The following FSTL4 variants were observed in gnomAD, a reference collection of about 807,000 sequenced individuals.
FSTL4 encodes follistatin-related protein 4.
A neutral mutation model predicts 78.2 loss-of-function variants in FSTL4; 28 were observed. The observed-to-expected ratio is 0.36, with a 90% CI of 0.27 to 0.49. The LOEUF is 0.49. Ranked by LOEUF, FSTL4 falls within the 20% of genes least tolerant of loss-of-function variation. The pLI is 0.98. For synonymous variants in FSTL4, 422 were observed against 440.5 expected, an observed-to-expected ratio of 0.96 and a Z score of 0.53; for missense variants, 922 against 1,084.9, an observed-to-expected ratio of 0.85 and a Z score of 2.11.
chr5:133,275,896 A>G (rs1409212757), intron 6 of FSTL4: 2 of 152,214 alleles, frequency 1.3e-5, no homozygotes, highest in African/African-American at 4.8e-5. Flanking sequence ...CCTGCCCCAG[A>G]GTCAGCCGTG....
At chr5:133,740,217 C>A in the FSTL4 span, among the ~76,000 whole-genome samples, 1 of 152,062 alleles carries the variant, frequency 6.6e-6, no homozygotes, top group South Asian at 2.1e-4. Context: ...AAGTGATACC[C>A]CCTTAGACAG....
chr5:133,431,919 A>G (rs955259303), intron 3 of FSTL4, among the ~76,000 whole-genome samples: 1 of 152,176 alleles, frequency 6.6e-6, no homozygotes. Context: ...TATTAAGTGC[A>G]AGATACATTG....
chr5:133,554,521 G>A (rs990660991), intron 3 of FSTL4, among the ~76,000 whole-genome samples: 3 of 152,198 alleles, frequency 2.0e-5, no homozygotes, highest in Non-Finnish European at 2.9e-5. Flanking sequence ...TTTGAAATGT[G>A]GACAGACGGG....
chr5:133,607,362 T>A (rs1761000162), intron 1 of FSTL4, among the ~76,000 whole-genome samples: 1 of 152,236 alleles, frequency 6.6e-6, no homozygotes, highest in South Asian at 2.1e-4. Context: ...GACTATCTAT[T>A]TGGTTAACAC....
At position 133,412,032 on chromosome 5, in the gene FSTL4, G is replaced by A. The variant is rs1756487487; in HGVS notation, c.161-11046C>T. Among the ~76,000 whole-genome samples the A allele has an allele frequency of 2.0e-5, 3 of 152,272 alleles. No homozygotes were observed. In the East Asian group the frequency reaches 5.8e-4, roughly 29 times the overall value. The stretch of plus-strand genomic sequence containing the variant: ...CATAGGACCTATATAAAAAATGGCT[G>A]TAAAACCCTATTGAAGGTCATAAAA... On this transcript the variant is annotated intron_variant, in intron 3 of 15. Coordinates refer to ENST00000265342, the MANE Select transcript of FSTL4 (RefSeq NM_015082.2).
chr5:133,638,134 T>A, the FSTL4 span, among the ~76,000 whole-genome samples: 1 of 151,998 alleles, frequency 6.6e-6, no homozygotes, highest in African/African-American at 2.4e-5. Context: ...TTCTCTCACA[T>A]CCCAATCCAA....
chr5:133,262,465 A>G (rs1230009320), intron 6 of FSTL4, among the ~76,000 whole-genome samples: 1 of 152,226 alleles, frequency 6.6e-6, no homozygotes, highest in Non-Finnish European at 1.5e-5. Flanking sequence ...TGTTACATGC[A>G]TGCTTGTTCA....
intron 4 of FSTL4, among the ~76,000 whole-genome samples, chr5:133,328,540 T>C (rs1253015608): frequency 6.6e-6 from 1 of 152,114 alleles, no homozygotes; most frequent in Non-Finnish European, 1.5e-5. Flanking sequence ...ATGCTAAAGC[T>C]CTCCTGGTAT....
chr5:133,646,190 C>T, the FSTL4 span, among the ~76,000 whole-genome samples: 3 of 152,094 alleles, frequency 2.0e-5, no homozygotes, highest in African/African-American at 7.2e-5. Context: ...AACTGGGGGT[C>T]AGGGAAAGCA....
intron 3 of FSTL4, among the ~76,000 whole-genome samples, chr5:133,488,489 A>G (rs989855275): frequency 2.0e-5 from 3 of 152,140 alleles, no homozygotes; most frequent in Admixed American, 6.5e-5. Context: ...CCTGACCTCA[A>G]GTGATCTGCC....
At position 133,349,295 on chromosome 5, in the gene FSTL4, C is replaced by CTCTGTG. The variant is rs11269337; in HGVS notation, c.410-32644_410-32643insCACAGA. On this transcript the variant is annotated intron_variant, in intron 4 of 15. Coordinates refer to ENST00000265342, the MANE Select transcript of FSTL4 (RefSeq NM_015082.2). The stretch of plus-strand genomic sequence containing the variant: ...GCTCCCCTGTTGAAAGCCTCTCTCT[C>CTCTGTG]TGTGTGTGTGTGTGTGTGTGTGTGT... 8.6e-3 allele frequency among the ~76,000 whole-genome samples: 1,207 copies of CTCTGTG among 139,738 alleles called. 6 individuals carry two copies. Among genetic ancestry groups the CTCTGTG allele is most frequent in the East Asian group, 0.017 (78 of 4,486 alleles). 91.7% of individuals were successfully genotyped at this position (139,738 alleles called of 152,430 possible). A position where few individuals can be genotyped will look rare whatever the true frequency, so the allele number is the denominator to read the frequency against.
chr5:133,337,067 C>T (rs1754479200), intron 4 of FSTL4, among the ~76,000 whole-genome samples: 1 of 152,226 alleles, frequency 6.6e-6, no homozygotes, highest in Non-Finnish European at 1.5e-5. Flanking sequence ...GGGCACAGGC[C>T]TGTGTTCGGG....
intron 6 of FSTL4, among the ~76,000 whole-genome samples, chr5:133,292,147 C>G (rs942020864): frequency 3.3e-5 from 5 of 152,116 alleles, no homozygotes; most frequent in African/African-American, 1.2e-4. Context: ...TGGTACTTCC[C>G]GAGCCTGGGT....
intron 3 of FSTL4, among the ~76,000 whole-genome samples, chr5:133,516,034 G>A (rs1034354257): frequency 7.2e-5 from 11 of 151,802 alleles, no homozygotes; most frequent in Admixed American, 3.9e-4. Context: ...CAAACCTAGC[G>A]CTATTTTTTT....
intron 6 of FSTL4, among the ~76,000 whole-genome samples, chr5:133,296,029 G>C (rs1211700404): frequency 6.6e-6 from 1 of 152,130 alleles, no homozygotes; most frequent in Non-Finnish European, 1.5e-5. Context: ...ACTGCCACTT[G>C]AATGTCTGAT....
intron 7 of FSTL4, among the ~76,000 whole-genome samples, chr5:133,238,511 C>G (rs183635464): frequency 1.5e-4 from 23 of 152,376 alleles, no homozygotes; most frequent in African/African-American, 5.5e-4. Flanking sequence ...CCAGACCAAG[C>G]CAGGACCACA....
the FSTL4 span, among the ~76,000 whole-genome samples, chr5:133,712,633 G>A: frequency 1.3e-5 from 2 of 152,236 alleles, no homozygotes; most frequent in Non-Finnish European, 2.9e-5. Context: ...CAAAAGGCCT[G>A]CAAAGGTCAC....
chr5:133,811,919 T>C, the FSTL4 span, among the ~76,000 whole-genome samples: 48 of 152,336 alleles, frequency 3.2e-4, no homozygotes, highest in Non-Finnish European at 6.5e-4. Flanking sequence ...GAATGTCTAA[T>C]GTAAGCTTTA....
At chr5:133,633,551 A>G in the FSTL4 span, among the ~76,000 whole-genome samples, 1 of 152,002 alleles carries the variant, frequency 6.6e-6, no homozygotes, top group Admixed American at 6.6e-5. Context: ...TTACTGAAGC[A>G]TTGTCATGAT....
Sources: allele counts gnomAD v4.1 joint callset (sites outside exome capture counted in the v4.1 genomes callset), GRCh38; gene constraint gnomAD v4.1.1; transcripts MANE v1.5; gene names NCBI Gene and HGNC (gene_info 2026-07-23, HGNC 2026-07-21).